Variants in ITGBL1 observed in about 807,000 individuals in gnomAD.
ITGBL1 encodes the protein integrin beta-like protein 1.
Under a neutral mutation model 68.5 loss-of-function variants are expected in ITGBL1, and 51 were observed. The observed-to-expected ratio is 0.74, with a 90% CI of 0.59 to 0.94. The LOEUF (loss-of-function observed/expected upper bound fraction) is 0.94, where lower values mean the gene tolerates loss of function less well. ITGBL1 is among the 40% of genes least tolerant of loss of function. The pLI, the probability that ITGBL1 is intolerant of heterozygous loss-of-function variation, is 0.00. For synonymous variants in ITGBL1, 209 were observed against 227.3 expected, an observed-to-expected ratio of 0.92 and a Z score of 0.72; for missense variants, 649 against 647.4, an observed-to-expected ratio of 1.00 and a Z score of -0.03.
At chr13:101,531,720 T>TG (rs1435020343) in intron 2 of ITGBL1, among the ~76,000 whole-genome samples, 1,636 of 148,930 alleles carry the variant, frequency 0.011, 24 homozygotes, top group Non-Finnish European at 0.015. Flanking sequence ...TATTTATTTA[T>TG]TTATTTATTT....
At chr13:101,588,318 T>A (rs2050594217) in intron 6 of ITGBL1, among the ~76,000 whole-genome samples, 2 of 83,538 alleles carry the variant, frequency 2.4e-5, no homozygotes, top group South Asian at 7.8e-4. Flanking sequence ...TGTGTGTGCA[T>A]GTGTGTGTAC....
chr13:101,564,845 A>C (rs2050158394), intron 2 of ITGBL1, among the ~76,000 whole-genome samples: 1 of 151,620 alleles, frequency 6.6e-6, no homozygotes, highest in Non-Finnish European at 1.5e-5. Flanking sequence ...AAGAAGATAG[A>C]TGTCCCTAAA....
At chr13:101,544,769 G>C (rs894047462) in intron 2 of ITGBL1, among the ~76,000 whole-genome samples, 2 of 152,066 alleles carry the variant, frequency 1.3e-5, no homozygotes, top group African/African-American at 4.8e-5. Flanking sequence ...ACCCCTCCCC[G>C]AGCCTTGCTG....
chr13:101,491,575 G>A (rs894189245), intron 2 of ITGBL1, among the ~76,000 whole-genome samples: 8 of 152,056 alleles, frequency 5.3e-5, no homozygotes, highest in Non-Finnish European at 7.4e-5. Flanking sequence ...AAGTGGATTT[G>A]TAAGATGAAA....
intron 2 of ITGBL1, among the ~76,000 whole-genome samples, chr13:101,563,459 A>G (rs1243321366): frequency 6.6e-6 from 1 of 151,880 alleles, no homozygotes; most frequent in Non-Finnish European, 1.5e-5. Flanking sequence ...AGCATGAAAT[A>G]ACATACATAA....
At chr13:101,658,831 C>T (rs1379448179) in intron 7 of ITGBL1, among the ~76,000 whole-genome samples, 1 of 151,866 alleles carries the variant, frequency 6.6e-6, no homozygotes, top group African/African-American at 2.4e-5. Flanking sequence ...CAGCGGAGCA[C>T]CTCCCTCACT....
intron 7 of ITGBL1, among the ~76,000 whole-genome samples, chr13:101,665,789 T>A (rs1217739429): frequency 1.3e-5 from 2 of 152,172 alleles, no homozygotes; most frequent in Non-Finnish European, 2.9e-5. Flanking sequence ...GGAGGGTTCT[T>A]ATGCACAATT....
chr13:101,587,527 A>G (rs1192462108), intron 6 of ITGBL1, among the ~76,000 whole-genome samples: 3 of 152,190 alleles, frequency 2.0e-5, no homozygotes, highest in Non-Finnish European at 2.9e-5. Context: ...TGATTCTAAT[A>G]TAACTGCTTT....
chr13:101,653,520 G>C (rs2032819500), intron 7 of ITGBL1, among the ~76,000 whole-genome samples: 1 of 152,174 alleles, frequency 6.6e-6, no homozygotes, highest in South Asian at 2.1e-4. Context: ...AGGTACATAT[G>C]TGAATTACAT....
chr13:101,567,633 T>C, intron 2 of ITGBL1, 66 bp from the exon 3 acceptor site: 2 of 1,438,392 alleles, frequency 1.4e-6, no homozygotes, highest in South Asian at 1.3e-5. Flanking sequence ...GTTAAGAGTA[T>C]GTGTTACAGT....
intron 2 of ITGBL1, among the ~76,000 whole-genome samples, chr13:101,474,300 G>T (rs1167403806): frequency 6.6e-6 from 1 of 152,134 alleles, no homozygotes; most frequent in African/African-American, 2.4e-5. Flanking sequence ...CAAGCCTGGG[G>T]TGGTAATGGC....
intron 6 of ITGBL1, among the ~76,000 whole-genome samples, chr13:101,597,120 T>A (rs918952032): frequency 2.0e-5 from 3 of 152,172 alleles, no homozygotes; most frequent in African/African-American, 7.2e-5. Context: ...CAAGTGTACT[T>A]CTCTGGTGGG....
chr13:101,677,781 G>A (rs1566787248), intron 7 of ITGBL1, among the ~76,000 whole-genome samples: 1 of 152,024 alleles, frequency 6.6e-6, no homozygotes. Flanking sequence ...CTGTAAAATG[G>A]CAAAGTCAAA....
At chr13:101,604,845 A>C (rs865797147) in intron 7 of ITGBL1, among the ~76,000 whole-genome samples, 47 of 29,360 alleles carry the variant, frequency 1.6e-3, no homozygotes, top group African/African-American at 5.1e-3. Context: ...AGGTGAAGGC[A>C]ATATATATAT....
intron 7 of ITGBL1, among the ~76,000 whole-genome samples, chr13:101,657,757 G>A (rs2032972483): frequency 6.6e-6 from 1 of 152,154 alleles, no homozygotes; most frequent in South Asian, 2.1e-4. Context: ...TACCTAGAAT[G>A]CTGCACATGT....
chr13:101,568,354 T>C (rs2050215452), intron 3 of ITGBL1, among the ~76,000 whole-genome samples: 1 of 152,174 alleles, frequency 6.6e-6, no homozygotes, highest in Admixed American at 6.5e-5. Context: ...TATTTGAAAA[T>C]ATTTTTTACA....
chr13:101,700,290 T>C (rs2034105706), intron 8 of ITGBL1, among the ~76,000 whole-genome samples: 1 of 152,220 alleles, frequency 6.6e-6, no homozygotes, highest in Admixed American at 6.5e-5. Context: ...ATTCACACTA[T>C]TTCTTCTAGC....
At chr13:101,480,477 G>C (rs761680318) in intron 2 of ITGBL1, among the ~76,000 whole-genome samples, 1 of 151,894 alleles carries the variant, frequency 6.6e-6, no homozygotes, top group African/African-American at 2.4e-5. Flanking sequence ...GGTGACTACA[G>C]TCAAAAATAA....
chr13:101,501,327 T>C (rs961752077), intron 2 of ITGBL1, among the ~76,000 whole-genome samples: 2 of 152,172 alleles, frequency 1.3e-5, no homozygotes, highest in Non-Finnish European at 2.9e-5. Context: ...GACCATAGTA[T>C]GGAGAGTGAC....
Sources: allele counts gnomAD v4.1 joint callset (sites outside exome capture counted in the v4.1 genomes callset), GRCh38; gene constraint gnomAD v4.1.1; transcripts MANE v1.5; gene names NCBI Gene and HGNC (gene_info 2026-07-23, HGNC 2026-07-21).